DCC: variants seen among roughly 807,000 people sequenced by gnomAD.
The protein encoded by DCC is DCC netrin 1 receptor.
Under a neutral mutation model 172.5 loss-of-function variants are expected in DCC, and 58 were observed. That is an observed-to-expected ratio of 0.34 (90% CI 0.27 to 0.42). The LOEUF is 0.42. DCC is among the 10% of genes least tolerant of loss of function. The pLI is 1.00. For missense variants in DCC, 1,740 were observed against 1,791.0 expected (o/e 0.97, Z 0.51); for synonymous variants, 709 against 644.5 (o/e 1.10, Z -1.52).
intron 16 of DCC, among the ~76,000 whole-genome samples, chr18:53,390,266 C>CCCT (rs34412320): frequency 2.1e-5 from 3 of 140,732 alleles, no homozygotes; most frequent in Admixed American, 7.2e-5. Context: ...TCTCTCTCTC[C>CCCT]TTTTATTTTT....
intron 14 of DCC, among the ~76,000 whole-genome samples, chr18:53,323,636 A>T (rs1476993090): frequency 6.6e-6 from 1 of 151,970 alleles, no homozygotes. Context: ...GGATGGGTGG[A>T]TGGATGGATG....
chr18:52,534,723 C>A (rs1347523707), intron 1 of DCC, among the ~76,000 whole-genome samples: 2 of 152,048 alleles, frequency 1.3e-5, no homozygotes, highest in East Asian at 3.9e-4. Flanking sequence ...CTAATTAAAG[C>A]AATCCAGGGA....
intron 13 of DCC, among the ~76,000 whole-genome samples, chr18:53,318,821 A>C (rs1013909227): frequency 6.7e-6 from 1 of 148,530 alleles, no homozygotes; most frequent in Non-Finnish European, 1.5e-5. Flanking sequence ...CAGATTCACC[A>C]AGGTTAAAAT....
chr18:52,911,939 A>T (rs2039976798), intron 3 of DCC, among the ~76,000 whole-genome samples: 1 of 152,032 alleles, frequency 6.6e-6, no homozygotes, highest in Admixed American at 6.6e-5. Flanking sequence ...AAGCCAGATG[A>T]AGTCCATGTT....
At chr18:52,542,698 G>A (rs983197812) in intron 1 of DCC, among the ~76,000 whole-genome samples, 6 of 152,144 alleles carry the variant, frequency 3.9e-5, no homozygotes, top group African/African-American at 1.4e-4. Flanking sequence ...ATTTAGCTGG[G>A]TGTGGTGGTG....
intron 1 of DCC, among the ~76,000 whole-genome samples, chr18:52,450,825 T>G (rs540085270): frequency 1.1e-4 from 17 of 152,284 alleles, no homozygotes; most frequent in African/African-American, 3.8e-4. Context: ...TCCAAAGGAC[T>G]AAGAATAGAC....
At chr18:53,066,192 G>A in intron 7 of DCC, 26 bp downstream of exon 7, 1 of 1,608,820 alleles carries the variant, frequency 6.2e-7, no homozygotes, top group Non-Finnish European at 8.5e-7. Flanking sequence ...CCTTGCTTTG[G>A]TACCTGGAAT....
chr18:52,563,117 T>A (rs2033077917), intron 1 of DCC, among the ~76,000 whole-genome samples: 1 of 152,050 alleles, frequency 6.6e-6, no homozygotes, highest in South Asian at 2.1e-4. Context: ...TTTCATCACA[T>A]CCTCAGTAAT....
intron 5 of DCC, among the ~76,000 whole-genome samples, chr18:53,051,948 G>A (rs955239540): frequency 6.6e-6 from 1 of 152,006 alleles, no homozygotes; most frequent in Non-Finnish European, 1.5e-5. Flanking sequence ...TGGGCTTATG[G>A]CATCAGGAAT....
In DCC at chr18:53,185,977, C is replaced by T. The variant is rs1209243330; in HGVS notation, c.1573+6861C>T. Among the ~76,000 whole-genome samples the T allele has an allele frequency of 2.0e-5, 3 of 152,294 alleles. No individual in the cohort carries two copies. The East Asian group carries it at 5.8e-4, about 29-fold the overall frequency. On this transcript the variant is annotated intron_variant, in intron 9 of 28. Coordinates refer to ENST00000442544, the MANE Select transcript of DCC (RefSeq NM_005215.4). ...TAAAAATCCATTACCTGGAAAAATA[C>T]ATAAGCATCTTCCGAAGTTCAACTG...
At chr18:52,854,881 G>T (rs2145348111) in intron 2 of DCC, among the ~76,000 whole-genome samples, 1 of 152,314 alleles carries the variant, frequency 6.6e-6, no homozygotes, top group African/African-American at 2.4e-5. Flanking sequence ...GACTGTGTCT[G>T]TGTTTGTCAG....
At chr18:52,632,394 A>T (rs2034693932) in intron 1 of DCC, among the ~76,000 whole-genome samples, 2 of 152,212 alleles carry the variant, frequency 1.3e-5, no homozygotes, top group African/African-American at 4.8e-5. Context: ...TTCAACATGT[A>T]CATAGCCCAC....
intron 2 of DCC, among the ~76,000 whole-genome samples, chr18:52,803,243 C>A (rs2038026823): frequency 6.6e-6 from 1 of 152,088 alleles, no homozygotes; most frequent in African/African-American, 2.4e-5. Context: ...ACAAGAACTG[C>A]AAGAGATCAC....
rs529022149 is a variant in DCC at position 53,325,252 on chromosome 18, G to C, written c.2164+3095G>C. ...CTTTGAGGTCCAGTGTAGGTGATCA[G>C]AGAAAAGCCTCCACTAATCCTGTAG... On this transcript the variant is annotated intron_variant, in intron 14 of 28. Coordinates refer to ENST00000442544, the MANE Select transcript of DCC (RefSeq NM_005215.4). 6.1e-5 allele frequency among the ~76,000 whole-genome samples: 9 copies of C among 148,306 alleles called. No homozygotes were observed. The East Asian group carries it at 1.8e-3, about 29-fold the overall frequency.
intron 12 of DCC, among the ~76,000 whole-genome samples, chr18:53,275,106 G>A (rs960257028): frequency 6.6e-6 from 1 of 152,112 alleles, no homozygotes; most frequent in Admixed American, 6.6e-5. Flanking sequence ...AGTGAGGAAT[G>A]CACAGAGATT....
chr18:52,905,137 G>C (rs1489637346), intron 2 of DCC, among the ~76,000 whole-genome samples: 1 of 152,018 alleles, frequency 6.6e-6, no homozygotes, highest in Non-Finnish European at 1.5e-5. Flanking sequence ...ATACAAGCAT[G>C]TATATGCATG....
At chr18:52,993,251 GTTC>G (rs1568233066) in intron 5 of DCC, among the ~76,000 whole-genome samples, 2 of 152,134 alleles carry the variant, frequency 1.3e-5, no homozygotes, top group African/African-American at 4.8e-5. Flanking sequence ...GATAAGAAAA[GTTC>G]TTAACTGGTT....
intron 7 of DCC, among the ~76,000 whole-genome samples, chr18:53,137,881 T>C (rs1353638356): frequency 6.6e-6 from 1 of 152,096 alleles, no homozygotes; most frequent in Non-Finnish European, 1.5e-5. Flanking sequence ...AGTGGCATGA[T>C]CATGGCTCAC....
chr18:52,474,206 T>G (rs1022023151), intron 1 of DCC, among the ~76,000 whole-genome samples: 5 of 100,626 alleles, frequency 5.0e-5, no homozygotes, highest in East Asian at 3.2e-4. Context: ...GTAACAGACC[T>G]AGAGAGAGAG....
Sources: allele counts gnomAD v4.1 joint callset (sites outside exome capture counted in the v4.1 genomes callset), GRCh38; gene constraint gnomAD v4.1.1; transcripts MANE v1.5; gene names NCBI Gene and HGNC (gene_info 2026-07-23, HGNC 2026-07-21).